The following KDR variants were observed in gnomAD, a reference collection of about 807,000 sequenced individuals.
The protein encoded by KDR is vascular endothelial growth factor receptor 2.
In KDR, 43 loss-of-function variants were observed where a neutral mutation model predicts 160.9. That is an observed-to-expected ratio of 0.27 (90% confidence interval 0.21 to 0.34). The LOEUF is 0.34. Ranked by LOEUF, KDR falls within the 10% of genes least tolerant of loss-of-function variation. The probability of loss-of-function intolerance (pLI) is 1.00; values close to 1 mark genes in which losing one functional copy is unlikely to be tolerated. For missense variants in KDR, 1,469 were observed against 1,666.4 expected, an observed-to-expected ratio of 0.88 and a Z score of 2.06; for synonymous variants, 617 against 600.1, an observed-to-expected ratio of 1.03 and a Z score of -0.41.
At chr4:55,109,523 C>A (rs970751854) in intron 9 of KDR, among the ~76,000 whole-genome samples, 1 of 152,068 alleles carries the variant, frequency 6.6e-6, no homozygotes, top group Non-Finnish European at 1.5e-5. Flanking sequence ...GAAGGGGGAA[C>A]AAAGAATTAC....
chr4:55,111,921 C>A (rs1720593864), intron 7 of KDR, among the ~76,000 whole-genome samples: 1 of 152,150 alleles, frequency 6.6e-6, no homozygotes, highest in African/African-American at 2.4e-5. Context: ...GTTGTTGCCA[C>A]TTTTATGATT....
chr4:55,094,994 C>T (rs1457407845), intron 20 of KDR, 39 bp from the exon 21 acceptor site: 3 of 1,590,932 alleles, frequency 1.9e-6, no homozygotes, highest in Admixed American at 1.7e-5. Context: ...TCCTTGAATA[C>T]AAAATGAGTC....
intron 12 of KDR, among the ~76,000 whole-genome samples, chr4:55,105,454 A>G (rs1001279675): frequency 6.6e-5 from 10 of 152,150 alleles, no homozygotes; most frequent in African/African-American, 2.2e-4. Context: ...CACTGCTCCT[A>G]TGTCCTTCTG....
intron 16 of KDR, 105 bp from the exon 17 acceptor site, chr4:55,098,377 C>A: frequency 7.4e-7 from 1 of 1,348,630 alleles, no homozygotes; most frequent in Non-Finnish European, 1.0e-6. Flanking sequence ...TCTCATTTTC[C>A]AATAAAACTC....
chr4:55,104,560 T>C (rs1720390294), intron 13 of KDR, 83 bp downstream of exon 13: 1 of 1,056,360 alleles, frequency 9.5e-7, no homozygotes, highest in Middle Eastern at 2.0e-4. Context: ...TAGAGGACAG[T>C]AATCTTTGCA....
intron 22 of KDR, chr4:55,092,169 A>G (rs958623104): frequency 4.7e-6 from 1 of 212,574 alleles, no homozygotes; most frequent in South Asian, 8.4e-5. Flanking sequence ...GTACACACAC[A>G]GAGAAGCATA....
At chr4:55,119,361 T>C in intron 2 of KDR, among the ~76,000 whole-genome samples, 1 of 152,240 alleles carries the variant, frequency 6.6e-6, no homozygotes. Context: ...GCATCTACTA[T>C]GTGCCAAACT....
chr4:55,116,701 C>A (rs1379233311), intron 3 of KDR, among the ~76,000 whole-genome samples: 3 of 152,292 alleles, frequency 2.0e-5, no homozygotes, highest in South Asian at 4.1e-4. Context: ...TGATTTCCTT[C>A]CCAGCTGGAA....
At chr4:55,085,623 G>C (rs1239272476) in intron 27 of KDR, among the ~76,000 whole-genome samples, 1 of 152,312 alleles carries the variant, frequency 6.6e-6, no homozygotes, top group East Asian at 1.9e-4. Flanking sequence ...GTGACCGTGA[G>C]TTTTATTTTA....
Position 55,125,283 on chromosome 4 carries a change from T to C in KDR, c.11A>G (p.Lys4Arg). The C allele has an allele frequency of 6.2e-7, 1 of 1,612,572 alleles. No individual in the cohort carries two copies. Among genetic ancestry groups the C allele is most frequent in the Non-Finnish European group, 8.5e-7 (1 of 1,179,676 alleles). Reference protein sequence around the residue: MQSKVLLAVALWLC... With the variant: MQSRVLLAVALWLC... ...CCACAGGGCGACGGCCAGCAGCACC[T>C]TGCTCTGCATCCTGCACCTCGAGCC... Residue 4 changes from lysine (K) to arginine (R), a missense_variant, in exon 1 of 30, where the codon AAG becomes AGG. Physicochemically the swap from Lys to Arg is conservative, Grantham distance 26. This residue lies in a region of KDR where 792 missense variants were observed against 840.9 expected (regional missense o/e 0.94). Coordinates refer to ENST00000263923, the MANE Select transcript of KDR (RefSeq NM_002253.4).
chr4:55,108,534 C>T (rs1720498123), intron 9 of KDR, among the ~76,000 whole-genome samples: 1 of 152,146 alleles, frequency 6.6e-6, no homozygotes, highest in African/African-American at 2.4e-5. Flanking sequence ...AATGACTCGC[C>T]CAAGGTCACT....
chr4:55,107,591 G>C (rs1207955910), intron 10 of KDR, 146 bp downstream of exon 10: 2 of 931,676 alleles, frequency 2.1e-6, no homozygotes, highest in Non-Finnish European at 3.4e-6. Flanking sequence ...GTAAGACACA[G>C]AGAAAGATGG....
chr4:55,107,780 G>T lies in KDR; in HGVS notation c.1369C>A (p.His457Asn). The change falls in exon 10 of 30, where the codon CAC becomes AAC. Residue 457 changes from histidine to asparagine, a missense_variant. By Grantham distance (68) the His-to-Asn change is moderately conservative (BLOSUM62 1). Coordinates refer to ENST00000263923, the MANE Select transcript of KDR (RefSeq NM_002253.4). ...VYAIPPPHHI[H>N]WYWQLEEECA... Reference sequence around the variant, plus strand: ...TCTTCCTCCAACTGCCAATACCAGTGGATGTGATGCGGGGGAGGAATGGCA... The same window carrying T: ...TCTTCCTCCAACTGCCAATACCAGTTGATGTGATGCGGGGGAGGAATGGCA... 6.2e-7 allele frequency: 1 copy of T among 1,613,996 alleles called. No individual in the cohort carries two copies. Among genetic ancestry groups the T allele is most frequent in the South Asian group, 1.1e-5 (1 of 91,076 alleles).
chr4:55,080,217 C>A, intron 29 of KDR, 54 bp from the exon 30 acceptor site: 1 of 1,531,454 alleles, frequency 6.5e-7, no homozygotes, highest in South Asian at 1.1e-5. Flanking sequence ...AATTCTTTTG[C>A]TTTTTACCCT....
At chr4:55,090,232 A>G (rs1034768948) in intron 22 of KDR, among the ~76,000 whole-genome samples, 154 bp from the exon 23 acceptor site, 1 of 152,200 alleles carries the variant, frequency 6.6e-6, no homozygotes, top group Non-Finnish European at 1.5e-5. Context: ...TCAGGAAAAA[A>G]GTCTGTGAGC....
At position 55,110,717 on chromosome 4, in the gene KDR, G is replaced by A. The variant is rs1480331564; in HGVS notation, c.1028C>T (p.Thr343Met). 4 of 1,613,184 alleles carry A rather than the reference G, an allele frequency of 2.5e-6. No individual in the cohort carries two copies. Among genetic ancestry groups the A allele is most frequent in the South Asian group, 2.2e-5 (2 of 91,038 alleles). ...AGGGATTCTGACACGCTCCCCCACC[G>A]TGGCTTCCACCAGAGATTCCATGCC... ...GSGMESLVEA[T>M]VGERVRIPAK... The change falls in exon 8 of 30, where the codon ACG becomes ATG. Residue 343 changes from threonine to methionine, a missense_variant. By Grantham distance (81) the Thr-to-Met change is moderately conservative. This residue lies in a region of KDR where 792 missense variants were observed against 840.9 expected (regional missense o/e 0.94). Coordinates refer to ENST00000263923, the MANE Select transcript of KDR (RefSeq NM_002253.4).
chr4:55,120,157 T>C (rs2110035589), intron 2 of KDR, among the ~76,000 whole-genome samples: 1 of 152,340 alleles, frequency 6.6e-6, no homozygotes, highest in African/African-American at 2.4e-5. Flanking sequence ...GGCTAGGGTA[T>C]TCTTTATACT....
chr4:55,114,605 T>C (rs559083582), intron 5 of KDR, among the ~76,000 whole-genome samples: 4 of 152,234 alleles, frequency 2.6e-5, no homozygotes, highest in African/African-American at 4.8e-5. Context: ...GCTCTGAACA[T>C]TGAATTCTTC....
Position 55,105,954 on chromosome 4 carries a change from A to G in KDR, c.1537-14T>C, listed in dbSNP as rs753045529. On this transcript the variant is annotated splice_polypyrimidine_tract_variant and intron_variant, in intron 11 of 29. Transcript: ENST00000263923. Reference sequence around the variant, plus strand: ...GGTACTTACAGTCTGTGCGGGGAAAAAACAAATCCCAGGCCATAAACAACG... The same window carrying G: ...GGTACTTACAGTCTGTGCGGGGAAAGAACAAATCCCAGGCCATAAACAACG... 6 of 1,550,674 alleles carry G rather than the reference A, an allele frequency of 3.9e-6. No individual in the cohort carries two copies. Among genetic ancestry groups the G allele is most frequent in the Admixed American group, 3.3e-5 (2 of 59,898 alleles).
Sources: allele counts gnomAD v4.1 joint callset (sites outside exome capture counted in the v4.1 genomes callset), GRCh38; gene constraint gnomAD v4.1.1; regional missense constraint gnomAD v4.1.1; transcripts MANE v1.5; gene names NCBI Gene and HGNC (gene_info 2026-07-23, HGNC 2026-07-21).